TASP1: variants seen among roughly 807,000 people sequenced by gnomAD.
TASP1 encodes threonine aspartase 1.
Under a neutral mutation model 56.6 loss-of-function variants are expected in TASP1, and 16 were observed. That is an observed-to-expected ratio of 0.28 (90% CI 0.19 to 0.43). The LOEUF is 0.43. Ranked by LOEUF, TASP1 falls within the 20% of genes least tolerant of loss-of-function variation. The pLI, the probability that TASP1 is intolerant of heterozygous loss-of-function variation, is 1.00. For synonymous variants in TASP1, 179 were observed against 184.2 expected, an observed-to-expected ratio of 0.97 and a Z score of 0.23; for missense variants, 393 against 511.6, an observed-to-expected ratio of 0.77 and a Z score of 2.24.
rs370003631 is a variant in TASP1, at chr20:13,483,472, T to G, written c.875-135A>C. On this transcript the variant is annotated intron_variant, in intron 10 of 13. Coordinates refer to ENST00000337743, the MANE Select transcript of TASP1 (RefSeq NM_017714.3). Reference sequence around the variant, plus strand: ...GAAAATAATTCCGTGAGGGATGAAATGACTTCCATGAGCAATCTGGTAATT... The same window carrying G: ...GAAAATAATTCCGTGAGGGATGAAAGGACTTCCATGAGCAATCTGGTAATT... 4.1e-5 allele frequency: 21 copies of G among 508,918 alleles called. No homozygotes were observed. The East Asian group carries it at 5.4e-4, about 13-fold the overall frequency. The allele number at this position is 508,918 out of a possible 1,614,324, so 31.5% of individuals were successfully genotyped here.
At chr20:13,447,996 C>T (rs1328231409) in intron 11 of TASP1, among the ~76,000 whole-genome samples, 2 of 152,120 alleles carry the variant, frequency 1.3e-5, no homozygotes, top group East Asian at 1.9e-4. Context: ...AATATGTAGT[C>T]TCTTTCTTCT....
intron 7 of TASP1, among the ~76,000 whole-genome samples, chr20:13,559,725 G>A (rs1405536675): frequency 6.6e-6 from 1 of 152,068 alleles, no homozygotes; most frequent in Non-Finnish European, 1.5e-5. Context: ...GGGTAAAAAA[G>A]TGATCAACAG....
At chr20:13,165,640 A>C in the TASP1 span, 1 of 152,208 alleles carries the variant, frequency 6.6e-6, no homozygotes, top group African/African-American at 2.4e-5. Context: ...TGGTAGTTAC[A>C]ACAATTTGAA....
intron 13 of TASP1, among the ~76,000 whole-genome samples, chr20:13,405,963 T>A (rs887972946): frequency 6.6e-6 from 1 of 152,154 alleles, no homozygotes; most frequent in African/African-American, 2.4e-5. Flanking sequence ...GCAATTCCCT[T>A]CCCTCAGAAT....
chr20:13,416,619 C>T (rs1036320888), intron 13 of TASP1, among the ~76,000 whole-genome samples: 4 of 152,136 alleles, frequency 2.6e-5, no homozygotes, highest in Admixed American at 2.6e-4. Context: ...TTTTATATGT[C>T]AAAATGTGCA....
the TASP1 span, among the ~76,000 whole-genome samples, chr20:13,127,001 C>T: frequency 3.9e-5 from 6 of 152,324 alleles, no homozygotes; most frequent in Admixed American, 2.6e-4. Context: ...CGTGTGTGTG[C>T]GCGCACGTGA....
chr20:13,437,509 G>A (rs2043047270), intron 11 of TASP1, among the ~76,000 whole-genome samples: 2 of 152,070 alleles, frequency 1.3e-5, no homozygotes, highest in Admixed American at 6.6e-5. Context: ...TTCTGGCCAG[G>A]GCAATCAGGC....
chr20:13,156,974 G>A, the TASP1 span, among the ~76,000 whole-genome samples: 3 of 152,194 alleles, frequency 2.0e-5, no homozygotes, highest in East Asian at 1.9e-4. Flanking sequence ...TGGATAATAT[G>A]TCAAACAATC....
chr20:13,188,608 C>T, the TASP1 span, among the ~76,000 whole-genome samples: 9,507 of 152,114 alleles, frequency 0.062, 621 homozygotes, highest in African/African-American at 0.17. Context: ...ACCATACTAT[C>T]CAAAGCAATC....
At chr20:13,243,663 T>A in the TASP1 span, among the ~76,000 whole-genome samples, 2 of 150,034 alleles carry the variant, frequency 1.3e-5, no homozygotes, top group Non-Finnish European at 3.0e-5. Context: ...TAAAAAAAAA[T>A]TAGCCCTTCA....
At chr20:13,400,196 A>G (rs2041685962) in intron 13 of TASP1, among the ~76,000 whole-genome samples, 1 of 152,224 alleles carries the variant, frequency 6.6e-6, no homozygotes, top group Admixed American at 6.5e-5. Context: ...ATGTCCCCAG[A>G]AAAGTACCTC....
intron 11 of TASP1, among the ~76,000 whole-genome samples, chr20:13,442,121 T>C (rs2043234198): frequency 6.6e-6 from 1 of 152,136 alleles, no homozygotes; most frequent in Non-Finnish European, 1.5e-5. Context: ...GAACTGTCCT[T>C]CCTGGCTCCC....
chr20:13,450,761 T>G (rs1286786851), intron 11 of TASP1, among the ~76,000 whole-genome samples: 1 of 152,146 alleles, frequency 6.6e-6, no homozygotes, highest in African/African-American at 2.4e-5. Flanking sequence ...TCTTCCAAAC[T>G]CTTGTGAATG....
At chr20:13,315,217 C>T in the TASP1 span, among the ~76,000 whole-genome samples, 1 of 151,988 alleles carries the variant, frequency 6.6e-6, no homozygotes, top group African/African-American at 2.4e-5. Flanking sequence ...CTTTGAACAT[C>T]AATGACCTAA....
chr20:13,243,962 G>A, the TASP1 span: 1 of 152,208 alleles, frequency 6.6e-6, no homozygotes, highest in African/African-American at 2.4e-5. Context: ...AATGAGGATA[G>A]ACCTCAATGC....
At chr20:13,236,557 G>A in the TASP1 span, among the ~76,000 whole-genome samples, 4 of 152,074 alleles carry the variant, frequency 2.6e-5, no homozygotes, top group Admixed American at 1.3e-4. Context: ...ATTTATTTCA[G>A]AATTAACCCA....
At chr20:13,376,435 T>C in the TASP1 span, among the ~76,000 whole-genome samples, 3 of 152,274 alleles carry the variant, frequency 2.0e-5, no homozygotes, top group African/African-American at 4.8e-5. Flanking sequence ...TTGGTCTATA[T>C]ATCTGTTTTG....
chr20:13,314,301 A>T, the TASP1 span, among the ~76,000 whole-genome samples: 1 of 151,976 alleles, frequency 6.6e-6, no homozygotes, highest in Non-Finnish European at 1.5e-5. Flanking sequence ...GATAATGCCA[A>T]AAAGAAAAAC....
chr20:13,633,830 C>CAA (rs78786884), intron 1 of TASP1, among the ~76,000 whole-genome samples: 6 of 128,152 alleles, frequency 4.7e-5, no homozygotes, highest in African/African-American at 8.7e-5. Flanking sequence ...AGGTTTAGAC[C>CAA]AAAAAAAAAA....
Sources: gnomAD v4.1 joint callset for allele counts (sites outside exome capture counted in the v4.1 genomes callset) on GRCh38, gnomAD v4.1.1 for gene constraint, MANE v1.5 for transcripts, NCBI Gene and HGNC (gene_info 2026-07-23, HGNC 2026-07-21) for gene names.